The following IFT74 variants were observed in gnomAD, a reference collection of about 807,000 sequenced individuals.
IFT74 encodes intraflagellar transport 74.
A neutral mutation model predicts 96.7 loss-of-function variants in IFT74; 92 were observed. That is an observed-to-expected ratio of 0.95 (90% CI 0.80 to 1.13). The LOEUF (loss-of-function observed/expected upper bound fraction) is 1.13. IFT74 is among the 50% of genes most tolerant of loss of function. The probability of loss-of-function intolerance (pLI) is 0.00; values close to 1 mark genes in which losing one functional copy is unlikely to be tolerated. For missense variants in IFT74, 811 were observed against 698.2 expected (o/e 1.16, Z -1.82); for synonymous variants, 223 against 213.2 (o/e 1.05, Z -0.40).
intron 8 of IFT74, among the ~76,000 whole-genome samples, chr9:27,004,555 A>G (rs1372004756): frequency 1.3e-5 from 2 of 152,250 alleles, no homozygotes; most frequent in African/African-American, 2.4e-5. Context: ...GTGTCTTTAA[A>G]AAAAGAAAAT....
rs1183609738 is a variant in IFT74 at position 27,066,054 on chromosome 9, A to G, written c.*3318A>G. 2.0e-5 allele frequency among the ~76,000 whole-genome samples: 3 copies of G among 152,204 alleles called. No individual in the cohort carries two copies. Among genetic ancestry groups the G allele is most frequent in the African/African-American group, 4.8e-5 (2 of 41,450 alleles). ...CACCAGTCTTTTTAGATACGCATCT[A>G]TATTTATGTCACACATATCTGTTTT... On this transcript the variant is annotated 3_prime_UTR_variant, in exon 20 of 20. Transcript: ENST00000380062.
chr9:26,986,561 C>T (rs150939794), intron 6 of IFT74, among the ~76,000 whole-genome samples: 1 of 152,026 alleles, frequency 6.6e-6, no homozygotes, highest in African/African-American at 2.4e-5. Context: ...AAGTGATCTG[C>T]CCACCTTGGT....
intron 2 of IFT74, among the ~76,000 whole-genome samples, chr9:26,969,779 G>T (rs915590375): frequency 4.6e-5 from 7 of 151,912 alleles, no homozygotes; most frequent in African/African-American, 1.7e-4. Context: ...GCGTTTTTGT[G>T]ATACTGTATA....
chr9:26,996,577 A>G, intron 8 of IFT74: 7 of 1,030,802 alleles, frequency 6.8e-6, no homozygotes, highest in Non-Finnish European at 6.4e-6. Context: ...TTTATCTAGA[A>G]TTTTTGACAT....
intron 8 of IFT74, chr9:26,995,517 G>C (rs200749160): frequency 2.0e-6 from 3 of 1,509,246 alleles, no homozygotes; most frequent in Non-Finnish European, 2.7e-6. Flanking sequence ...AACTTTGAAA[G>C]AAATTAATTT....
chr9:27,048,217 A>T lies in IFT74; in HGVS notation c.1276A>T (p.Asn426Tyr). Residue 426 changes from asparagine to tyrosine, a missense_variant, in exon 16 of 20, where the codon AAT becomes TAT. Transcript: ENST00000380062. ...GCTAAAGATGATGCAGGATGACCTCAATTTTAAATCTACTGAAGTGCAGAA... is the reference window on the plus strand; with the variant it reads ...GCTAAAGATGATGCAGGATGACCTCTATTTTAAATCTACTGAAGTGCAGAA... ...QELKMMQDDLNFKSTEVQKSQ... is the reference protein window; with the variant it reads ...QELKMMQDDLYFKSTEVQKSQ... 6.2e-7 allele frequency: 1 copy of T among 1,608,228 alleles called. No individual in the cohort carries two copies. Among genetic ancestry groups the T allele is most frequent in the South Asian group, 1.1e-5 (1 of 90,466 alleles).
chr9:27,054,089 T>G (rs1820053213), intron 16 of IFT74, among the ~76,000 whole-genome samples: 1 of 152,238 alleles, frequency 6.6e-6, no homozygotes, highest in African/African-American at 2.4e-5. Context: ...AAATACTGGC[T>G]TAATTATACT....
At position 27,044,768 on chromosome 9, in the gene IFT74, C is replaced by T. The variant is rs561912676; in HGVS notation, c.1081C>T (p.Leu361=). The T allele has an allele frequency of 6.4e-7, 1 of 1,564,668 alleles. No individual in the cohort carries two copies. The highest frequency in any genetic ancestry group is 8.7e-7 in the Non-Finnish European group (1 of 1,145,160). ...QGEMNQKYKE[L]KKREEHMDTF... ...TGAAATGAACCAGAAATACAAGGAG[C>T]TAAAGAAAAGGGAGGAACATATGGA... The change falls in exon 14 of 20, where the codon CTA becomes TTA. Residue 361 remains leucine (L), a synonymous_variant. Transcript: ENST00000380062.
rs1334546987 is a variant in IFT74, at chr9:26,947,122, G to A, written c.-44G>A. ...GCAGGGGCGACTCGGAGAGCGCCGG[G>A]CCGCGGCGGGAGAAGAGCCTGCAGG... On this transcript the variant is annotated 5_prime_UTR_variant, in exon 1 of 20. Coordinates refer to the IFT74 transcript ENST00000433700. 12 of 1,392,792 alleles carry A rather than the reference G, an allele frequency of 8.6e-6. No individual in the cohort carries two copies. In the East Asian group the frequency reaches 2.4e-4, roughly 27 times the overall value. The allele number at this position is 1,392,792 out of a possible 1,614,324, so 86.3% of individuals were successfully genotyped here.
At chr9:26,984,204 T>A in intron 4 of IFT74, 53 bp from the exon 5 acceptor site, 1 of 1,433,208 alleles carries the variant, frequency 7.0e-7, no homozygotes, top group Non-Finnish European at 9.4e-7. Context: ...TTTGCTTAAC[T>A]AGAGTTTTCT....
At chr9:26,997,486 A>T (rs2131573205) in intron 8 of IFT74, among the ~76,000 whole-genome samples, 1 of 151,958 alleles carries the variant, frequency 6.6e-6, no homozygotes, top group East Asian at 2.0e-4. Context: ...GGCATGCGCC[A>T]CCATACCCAG....
intron 13 of IFT74, among the ~76,000 whole-genome samples, chr9:27,029,519 G>A (rs1235344746): frequency 1.3e-5 from 2 of 151,924 alleles, no homozygotes; most frequent in African/African-American, 2.4e-5. Context: ...AAGCTGAGGC[G>A]GGCAGATCAT....
chr9:26,997,330 C>CTTTT (rs773530183), intron 8 of IFT74, among the ~76,000 whole-genome samples: 25 of 123,596 alleles, frequency 2.0e-4, no homozygotes, highest in African/African-American at 3.8e-4. Context: ...GTTTCCTTTC[C>CTTTT]TTTTTTTTTT....
Position 27,029,080 on chromosome 9 carries a change from G to T in IFT74, c.1030G>T (p.Asp344Tyr), listed in dbSNP as rs200353043. 7.9e-5 allele frequency: 126 copies of T among 1,602,494 alleles called. No homozygotes were observed. Among genetic ancestry groups the T allele is most frequent in the Non-Finnish European group, 1.0e-4 (118 of 1,174,202 alleles). ...GTTTATTGAAGAAATTAGACAACTT[G>T]ACATGGATTTAGAGGAACACCAAGG... ...NQFIEEIRQL[D>Y]MDLEEHQGEM... The change falls in exon 13 of 20, where the codon GAC becomes TAC. Residue 344 changes from aspartate (D) to tyrosine (Y), a missense_variant. By Grantham distance (160) the Asp-to-Tyr change is radical (BLOSUM62 -3). Transcript: ENST00000380062.
intron 1 of IFT74, among the ~76,000 whole-genome samples, chr9:26,960,363 C>T (rs996295954): frequency 3.3e-5 from 5 of 152,030 alleles, no homozygotes; most frequent in Non-Finnish European, 7.4e-5. Context: ...TTTTATATGA[C>T]CTACAATAGG....
chr9:27,019,543 T>C (rs778604471), intron 12 of IFT74, among the ~76,000 whole-genome samples: 32 of 151,858 alleles, frequency 2.1e-4, no homozygotes, highest in Non-Finnish European at 4.6e-4. Flanking sequence ...TGGAATATTA[T>C]TTGGAAATAA....
Position 27,055,753 on chromosome 9 carries a change from C to A in IFT74, c.1478C>A (p.Ser493Ter), listed in dbSNP as rs1370374325. The A allele has an allele frequency of 1.3e-6, 2 of 1,546,458 alleles. No individual in the cohort carries two copies. The highest frequency in any genetic ancestry group is 1.7e-6 in the Non-Finnish European group (2 of 1,154,216). The change falls in exon 17 of 20, where the codon TCA becomes TAA. Residue 493 changes from serine (S) to a stop codon, truncating the protein, a stop_gained. Coordinates refer to ENST00000380062, the MANE Select transcript of IFT74 (RefSeq NM_025103.4). LOFTEE classifies it high-confidence loss of function. ...IYNDLPALKS[S>*]GEEKIKKLHQ... ...AATGATTTGCCAGCTTTAAAATCAT[C>A]AGGTGAAGAAAAGATAAAGGTAAAT...
intron 12 of IFT74, among the ~76,000 whole-genome samples, chr9:27,022,461 G>A (rs1323886650): frequency 6.6e-6 from 1 of 152,086 alleles, no homozygotes; most frequent in Admixed American, 6.6e-5. Flanking sequence ...CCATCCATGA[G>A]CATGGAATAT....
At chr9:27,036,292 A>C (rs888560507) in intron 13 of IFT74, among the ~76,000 whole-genome samples, 8 of 152,176 alleles carry the variant, frequency 5.3e-5, no homozygotes, top group Non-Finnish European at 1.0e-4. Flanking sequence ...TCTGTTTTTC[A>C]AGGGTCAACT....
Sources: allele counts gnomAD v4.1 joint callset (sites outside exome capture counted in the v4.1 genomes callset), GRCh38; gene constraint gnomAD v4.1.1; transcripts MANE v1.5; gene names NCBI Gene and HGNC (gene_info 2026-07-23, HGNC 2026-07-21).